The following WWOX variants were observed in gnomAD, a reference collection of about 807,000 sequenced individuals.
The protein encoded by WWOX is WW domain-containing oxidoreductase.
Under a neutral mutation model 46.2 loss-of-function variants are expected in WWOX, and 69 were observed. The observed-to-expected ratio is 1.49, with a 90% CI of 1.23 to 1.82. The LOEUF is 1.82. Ranked by LOEUF, WWOX falls within the 40% of genes most tolerant of loss-of-function variation. The probability of loss-of-function intolerance (pLI) is 0.00; values close to 1 mark genes in which losing one functional copy is unlikely to be tolerated. For synonymous variants in WWOX, 359 were observed against 202.6 expected (o/e 1.77, Z -6.56); for missense variants, 919 against 542.6 (o/e 1.69, Z -6.89).
At chr16:78,313,659 T>A (rs1355469617) in intron 5 of WWOX, among the ~76,000 whole-genome samples, 1 of 152,116 alleles carries the variant, frequency 6.6e-6, no homozygotes, top group Non-Finnish European at 1.5e-5. Context: ...AGCCACTGCG[T>A]CAGGCCTATT....
At chr16:78,671,736 T>A (rs987546501) in intron 8 of WWOX, among the ~76,000 whole-genome samples, 1 of 152,248 alleles carries the variant, frequency 6.6e-6, no homozygotes, top group African/African-American at 2.4e-5. Context: ...CCTTACTATT[T>A]AGAATGCTAT....
intron 8 of WWOX, among the ~76,000 whole-genome samples, chr16:78,529,299 G>A (rs2043562032): frequency 6.6e-6 from 1 of 152,108 alleles, no homozygotes; most frequent in African/African-American, 2.4e-5. Flanking sequence ...CAGTCCTGTT[G>A]AGTGGCCTCT....
At chr16:78,354,312 C>CTTTTTCTTTT (rs745335650) in intron 5 of WWOX, among the ~76,000 whole-genome samples, 1 of 123,306 alleles carries the variant, frequency 8.1e-6, no homozygotes, top group African/African-American at 3.1e-5. Flanking sequence ...ATGTGCTTAA[C>CTTTTTCTTTT]TTTTTTTTTT....
chr16:78,436,712 A>G (rs1444252656), intron 8 of WWOX, among the ~76,000 whole-genome samples: 2 of 151,870 alleles, frequency 1.3e-5, no homozygotes, highest in African/African-American at 2.4e-5. Flanking sequence ...AACATTTAGG[A>G]CTCTGTATTT....
intron 8 of WWOX, among the ~76,000 whole-genome samples, chr16:79,050,561 G>T (rs531792635): frequency 6.6e-6 from 1 of 152,282 alleles, no homozygotes; most frequent in East Asian, 1.9e-4. Flanking sequence ...CAGTCCCAAA[G>T]CCCGGGGCAT....
Position 79,212,343 on chromosome 16 carries a change from T to C in WWOX, c.*547T>C, listed in dbSNP as rs2051793605. Reference sequence around the variant, plus strand: ...AGAACCTTGTCCCAGCCAGTGAGGATGACAGTGACACCCAGAGGGAGTAGA... The same window carrying C: ...AGAACCTTGTCCCAGCCAGTGAGGACGACAGTGACACCCAGAGGGAGTAGA... On this transcript the variant is annotated 3_prime_UTR_variant, in exon 9 of 9. Coordinates refer to ENST00000566780, the MANE Select transcript of WWOX (RefSeq NM_016373.4). The C allele has an allele frequency of 3.1e-6, 2 of 650,840 alleles. No homozygotes were observed. The highest frequency in any genetic ancestry group is 5.0e-6 in the Non-Finnish European group (2 of 398,718). 40.3% of individuals were successfully genotyped at this position (650,840 alleles called of 1,614,324 possible).
At chr16:79,193,749 G>T (rs1319892585) in intron 8 of WWOX, among the ~76,000 whole-genome samples, 1 of 152,188 alleles carries the variant, frequency 6.6e-6, no homozygotes, top group Non-Finnish European at 1.5e-5. Flanking sequence ...AACAATTTAG[G>T]ATACCTGAAG....
intron 8 of WWOX, among the ~76,000 whole-genome samples, chr16:78,726,001 C>G (rs1477814538): frequency 6.7e-6 from 1 of 150,076 alleles, no homozygotes; most frequent in Non-Finnish European, 1.5e-5. Flanking sequence ...CCTTCTCCTT[C>G]TTCTTCTCTT....
intron 8 of WWOX, among the ~76,000 whole-genome samples, chr16:79,038,179 T>G (rs899042519): frequency 6.6e-6 from 1 of 152,170 alleles, no homozygotes; most frequent in African/African-American, 2.4e-5. Context: ...TGCACACTTT[T>G]TTTTTGTCAG....
At chr16:79,175,212 C>G (rs562504137) in intron 8 of WWOX, among the ~76,000 whole-genome samples, 1 of 152,152 alleles carries the variant, frequency 6.6e-6, no homozygotes, top group Admixed American at 6.5e-5. Context: ...TTGAATTGAA[C>G]GAAGGCATTT....
chr16:78,781,135 A>T (rs1487696196), intron 8 of WWOX, among the ~76,000 whole-genome samples: 1 of 152,198 alleles, frequency 6.6e-6, no homozygotes, highest in East Asian at 1.9e-4. Context: ...AGGTAAATCA[A>T]GACAGGGAAA....
chr16:78,976,585 C>G (rs181152774), intron 8 of WWOX, among the ~76,000 whole-genome samples: 1 of 152,118 alleles, frequency 6.6e-6, no homozygotes, highest in Admixed American at 6.5e-5. Flanking sequence ...CTTGCAGCTG[C>G]GAAAAGCATG....
chr16:78,798,018 C>A (rs914715916), intron 8 of WWOX, among the ~76,000 whole-genome samples: 1 of 152,086 alleles, frequency 6.6e-6, no homozygotes, highest in African/African-American at 2.4e-5. Context: ...ACTAAAAATT[C>A]ACTGGAGCTA....
At chr16:78,198,525 G>A (rs1046044576) in intron 5 of WWOX, among the ~76,000 whole-genome samples, 4 of 152,154 alleles carry the variant, frequency 2.6e-5, no homozygotes, top group African/African-American at 9.7e-5. Context: ...TTCTCTGGAT[G>A]TTGGCTGCAG....
chr16:79,064,724 A>G (rs565624660), intron 8 of WWOX, among the ~76,000 whole-genome samples: 5 of 152,328 alleles, frequency 3.3e-5, no homozygotes, highest in African/African-American at 1.2e-4. Flanking sequence ...GGAGTGTACA[A>G]TTCATGGGCT....
chr16:78,392,889 A>G (rs1472727526), intron 6 of WWOX, among the ~76,000 whole-genome samples: 3 of 151,782 alleles, frequency 2.0e-5, no homozygotes, highest in Non-Finnish European at 2.9e-5. Context: ...TGATTCTGTT[A>G]TTCTCCACTA....
chr16:78,245,076 T>C (rs1350420332), intron 5 of WWOX, among the ~76,000 whole-genome samples: 1 of 152,228 alleles, frequency 6.6e-6, no homozygotes, highest in Non-Finnish European at 1.5e-5. Flanking sequence ...ATCTCTAAAT[T>C]AATTCTCCTC....
Position 78,103,104 on chromosome 16 carries a change from C to T in WWOX, c.107+3219C>T, listed in dbSNP as rs573581330. 2.0e-5 allele frequency among the ~76,000 whole-genome samples: 3 copies of T among 152,282 alleles called. No homozygotes were observed. The South Asian group carries it at 6.2e-4, about 32-fold the overall frequency. On this transcript the variant is annotated intron_variant, in intron 1 of 8. Coordinates refer to ENST00000566780, the MANE Select transcript of WWOX (RefSeq NM_016373.4). The stretch of plus-strand genomic sequence containing the variant: ...CCCCCTGCGCCTGCCTTCCTGCTGC[C>T]TGGCCTTTCTCCCATCTGCTTTCTT...
chr16:78,926,354 C>A (rs1032756393), intron 8 of WWOX, among the ~76,000 whole-genome samples: 2 of 136,222 alleles, frequency 1.5e-5, no homozygotes, highest in Admixed American at 7.7e-5. Context: ...GCGTGGGTGA[C>A]AGTGAGACCC....
Sources: gnomAD v4.1 joint callset for allele counts (sites outside exome capture counted in the v4.1 genomes callset) on GRCh38, gnomAD v4.1.1 for gene constraint, MANE v1.5 for transcripts, NCBI Gene and HGNC (gene_info 2026-07-23, HGNC 2026-07-21) for gene names.